TMEM184B: variants seen among roughly 807,000 people sequenced by gnomAD.
TMEM184B encodes transmembrane protein 184B.
TMEM184B carries 17 observed loss-of-function variants against 41.8 expected under a neutral mutation model. That is an observed-to-expected ratio of 0.41 (90% confidence interval 0.28 to 0.61). The LOEUF is 0.61. Ranked by LOEUF, TMEM184B falls within the 20% of genes least tolerant of loss-of-function variation. The pLI, the probability that TMEM184B is intolerant of heterozygous loss-of-function variation, is 0.34. For missense variants in TMEM184B, 393 were observed against 557.8 expected (o/e 0.70, Z 2.98); for synonymous variants, 240 against 229.5 (o/e 1.05, Z -0.41).
In TMEM184B at chr22:38,262,427, G is replaced by A. The variant is rs189650174; in HGVS notation, c.-59+10457C>T. Reference sequence around the variant, plus strand: ...TGGGCACGTGGAGACTGCTCTGGACGGAAAGGCAGGCAAAGGGAACTATAT... The same window carrying A: ...TGGGCACGTGGAGACTGCTCTGGACAGAAAGGCAGGCAAAGGGAACTATAT... On this transcript the variant is annotated intron_variant, in intron 1 of 8. Transcript: ENST00000361906. Among the ~76,000 whole-genome samples the A allele has an allele frequency of 1.2e-4, 18 of 152,324 alleles. No individual in the cohort carries two copies. In the East Asian group the frequency reaches 2.5e-3, roughly 21 times the overall value.
At chr22:38,238,328 C>A (rs548733523) in intron 3 of TMEM184B, among the ~76,000 whole-genome samples, 2 of 150,846 alleles carry the variant, frequency 1.3e-5, no homozygotes, top group African/African-American at 4.9e-5. Context: ...TGGGTTCAAG[C>A]GATTCTCCTG....
chr22:38,230,129 T>C lies in TMEM184B; in HGVS notation c.525+540A>G, dbSNP rs112874592. Among the ~76,000 whole-genome samples, 667 of 94,266 alleles carry C rather than the reference T, an allele frequency of 7.1e-3. 5 individuals are homozygous for C. Among genetic ancestry groups the C allele is most frequent in the Middle Eastern group, 0.032 (5 of 158 alleles). 61.8% of individuals were successfully genotyped at this position (94,266 alleles called of 152,430 possible). Reference sequence around the variant, plus strand: ...AGCCCAGGAAGCTAGAGCGGCTGGATTGCCAAGGCTACTCTAGACCACAGG... The same window carrying C: ...AGCCCAGGAAGCTAGAGCGGCTGGACTGCCAAGGCTACTCTAGACCACAGG... On this transcript the variant is annotated intron_variant, in intron 5 of 8. Coordinates refer to ENST00000361906, the MANE Select transcript of TMEM184B (RefSeq NM_012264.5).
intron 2 of TMEM184B, chr22:38,246,465 A>C: frequency 3.4e-6 from 1 of 291,888 alleles, no homozygotes. Context: ...GCTCTGGGCC[A>C]TCAGTGTGTG....
intron 1 of TMEM184B, among the ~76,000 whole-genome samples, chr22:38,259,916 C>T (rs573916471): frequency 3.5e-5 from 5 of 144,662 alleles, no homozygotes; most frequent in Non-Finnish European, 6.0e-5. Context: ...GCTGGGGTTA[C>T]AGGCACGTGC....
chr22:38,224,698 G>A, intron 8 of TMEM184B, 87 bp downstream of exon 8: 1 of 1,370,896 alleles, frequency 7.3e-7, no homozygotes, highest in Non-Finnish European at 9.8e-7. Context: ...AGCCGCACCT[G>A]TAGGATGCTG....
rs1412287643 is a variant in TMEM184B, at chr22:38,239,117, C to G, written c.358+6818G>C. Among the ~76,000 whole-genome samples, 1 of 152,222 alleles carries G rather than the reference C, an allele frequency of 6.6e-6. No individual in the cohort carries two copies. The highest frequency in any genetic ancestry group is 1.9e-4 in the East Asian group (1 of 5,190). ...TCAGAGTTGTCTTTATGGCCCACCC[C>G]CAACCCCACAATCAAACACTGAATG... On this transcript the variant is annotated intron_variant, in intron 3 of 8. Transcript: ENST00000361906. This position sits in a 1 kb window ranked among gnomAD's most constrained non-coding sequence, Gnocchi z 4.6.
At chr22:38,272,501 G>C in intron 1 of TMEM184B, 3 of 985,388 alleles carry the variant, frequency 3.0e-6, no homozygotes, top group Non-Finnish European at 3.6e-6. Context: ...CCACTCACTC[G>C]GCCGTGCCAG....
At chr22:38,251,140 G>C (rs140250482) in intron 1 of TMEM184B, among the ~76,000 whole-genome samples, 13 of 152,176 alleles carry the variant, frequency 8.5e-5, no homozygotes, top group Non-Finnish European at 1.6e-4. Context: ...GGTCCCCCAG[G>C]GTGGAGGAGA....
At chr22:38,257,682 G>A (rs1368929299) in intron 1 of TMEM184B, among the ~76,000 whole-genome samples, 1 of 152,186 alleles carries the variant, frequency 6.6e-6, no homozygotes, top group Non-Finnish European at 1.5e-5. Context: ...TGTTTTTGGT[G>A]TAGGTTTTAT....
Position 38,272,946 on chromosome 22 carries a change from G to T in TMEM184B, c.-121C>A. The T allele has an allele frequency of 4.5e-6, 2 of 444,162 alleles. No individual in the cohort carries two copies. The highest frequency in any genetic ancestry group is 6.0e-6 in the Non-Finnish European group (2 of 335,926). 27.5% of individuals were successfully genotyped at this position (444,162 alleles called of 1,614,324 possible). A position where few individuals can be genotyped will look rare whatever the true frequency, so the allele number is the denominator to read the frequency against. ...TGCGCGGCAGCCGGACTCTGCGGGC[G>T]GGGCGGGCGGCGCCGCAGCCCCGGA... On this transcript the variant is annotated 5_prime_UTR_variant, in exon 1 of 9. Transcript: ENST00000361906.
Position 38,221,081 on chromosome 22 carries a change from G to T in TMEM184B, c.*388C>A. 1.9e-6 allele frequency: 2 copies of T among 1,065,746 alleles called. No homozygotes were observed. Among genetic ancestry groups the T allele is most frequent in the Non-Finnish European group, 2.3e-6 (2 of 880,314 alleles). The allele number at this position is 1,065,746 out of a possible 1,614,324, so 66.0% of individuals were successfully genotyped here. A position where few individuals can be genotyped will look rare whatever the true frequency, so the allele number is the denominator to read the frequency against. On this transcript the variant is annotated 3_prime_UTR_variant, in exon 9 of 9. Transcript: ENST00000361906. ...ACGGTGTGTGGGGGAGCCACGGCTT[G>T]CCGACCTCAGCCTGAGAGTCTCGCG...
chr22:38,258,319 T>A (rs75764842), intron 1 of TMEM184B, among the ~76,000 whole-genome samples: 1 of 150,934 alleles, frequency 6.6e-6, no homozygotes, highest in African/African-American at 2.4e-5. Context: ...TTTTTTTTTT[T>A]AGACTAAGTC....
chr22:38,227,171 A>G (rs1034153267), intron 5 of TMEM184B, among the ~76,000 whole-genome samples: 1 of 152,020 alleles, frequency 6.6e-6, no homozygotes, highest in African/African-American at 2.4e-5. Flanking sequence ...CGTATGTGAT[A>G]TGAGCATGTG....
In TMEM184B at chr22:38,225,013, A is replaced by C; in HGVS notation, c.788-34T>G. 1 of 1,509,582 alleles carries C rather than the reference A, an allele frequency of 6.6e-7. No homozygotes were observed. The highest frequency in any genetic ancestry group is 8.9e-7 in the Non-Finnish European group (1 of 1,128,156). 93.5% of individuals were successfully genotyped at this position (1,509,582 alleles called of 1,614,324 possible). A position where few individuals can be genotyped will look rare whatever the true frequency, so the allele number is the denominator to read the frequency against. The stretch of plus-strand genomic sequence containing the variant: ...GGAGGCACGGGTGTCTGGACCCAGA[A>C]TGATTCCTTTCCTGCTCCCCCTTCT... On this transcript the variant is annotated intron_variant, in intron 7 of 8. Coordinates refer to ENST00000361906, the MANE Select transcript of TMEM184B (RefSeq NM_012264.5). The surrounding 1 kb of genome is among the most constrained non-coding windows in gnomAD (Gnocchi z 4.4).
chr22:38,216,766 G>C (rs1482155568), downstream of TMEM184B, among the ~76,000 whole-genome samples: 1 of 152,006 alleles, frequency 6.6e-6, no homozygotes, highest in Non-Finnish European at 1.5e-5. Context: ...GATTCTGGCG[G>C]AGCATGGTGG....
chr22:38,241,524 CAAAAAAAAA>C (rs35419850), intron 3 of TMEM184B, among the ~76,000 whole-genome samples: 10 of 88,816 alleles, frequency 1.1e-4, no homozygotes, highest in African/African-American at 3.8e-4. Context: ...CTCATCTCTA[CAAAAAAAAA>C]AAAAAAAAAA....
At chr22:38,217,096 G>A (rs2091157626), downstream of TMEM184B, among the ~76,000 whole-genome samples, 1 of 152,114 alleles carries the variant, frequency 6.6e-6, no homozygotes, top group South Asian at 2.1e-4. Context: ...GGAGGCTGAG[G>A]CGGGTGGATC....
chr22:38,219,108 C>A (rs1158469219), downstream of TMEM184B, among the ~76,000 whole-genome samples: 1 of 152,162 alleles, frequency 6.6e-6, no homozygotes, highest in African/African-American at 2.4e-5. Flanking sequence ...GTTGGGGAGA[C>A]CCTTTGTCCA....
At position 38,231,292 on chromosome 22, in the gene TMEM184B, A is replaced by C. The variant is rs2091611246; in HGVS notation, c.401T>G (p.Leu134Arg). ...YNFLSLCYEY[L>R]GGESSIMSEI... ...CGACATGATGGAACTTTCTCCTCCT[A>C]GGTACTCATAGCACAGGCTCAGGAA... The change falls in exon 4 of 9, where the codon CTA becomes CGA. Residue 134 changes from leucine to arginine, a missense_variant. Physicochemically the swap from Leu to Arg is moderately radical, Grantham distance 102. Transcript: ENST00000361906. The C allele has an allele frequency of 6.2e-7, 1 of 1,614,036 alleles. No homozygotes were observed. The highest frequency in any genetic ancestry group is 1.3e-5 in the African/African-American group (1 of 74,898).
Sources: gnomAD v4.1 joint callset for allele counts (sites outside exome capture counted in the v4.1 genomes callset) on GRCh38, gnomAD v4.1.1 for gene constraint, Gnocchi (gnomAD v3.1) non-coding constraint, MANE v1.5 for transcripts, NCBI Gene and HGNC (gene_info 2026-07-23, HGNC 2026-07-21) for gene names.